TENM1: variants seen among roughly 807,000 people sequenced by gnomAD.
TENM1 encodes teneurin transmembrane protein 1, also known as teneurin-1.
In TENM1, 35 loss-of-function variants were observed where a neutral mutation model predicts 174.8. The observed-to-expected ratio is 0.20, with a 90% confidence interval of 0.15 to 0.27. The LOEUF is 0.27. TENM1 is among the 10% of genes least tolerant of loss of function. TENM1 has a pLI of 1.00. For synonymous variants in TENM1, 781 were observed against 798.7 expected, an observed-to-expected ratio of 0.98 and a Z score of 0.37; for missense variants, 1,633 against 2,130.1, an observed-to-expected ratio of 0.77 and a Z score of 4.59.
At chrX:125,089,851 C>T in the TENM1 span, among the ~76,000 whole-genome samples, 7 of 111,473 alleles carry the variant, frequency 6.3e-5, no homozygotes, top group African/African-American at 2.0e-4. Flanking sequence ...ATGTAAGCTA[C>T]TGGCTTATTA....
chrX:124,459,925 A>AACAAACAC (rs747467413), intron 22 of TENM1, among the ~76,000 whole-genome samples: 3 of 112,440 alleles, frequency 2.7e-5, no homozygotes, highest in Non-Finnish European at 5.6e-5. Flanking sequence ...AAAGGACATG[A>AACAAACAC]ACAAACACTT....
chrX:124,885,756 A>G (rs2057373467), intron 3 of TENM1, among the ~76,000 whole-genome samples: 1 of 111,433 alleles, frequency 9.0e-6, no homozygotes, highest in African/African-American at 3.3e-5. Flanking sequence ...TAACAAAAAA[A>G]CTACTGAAAA....
At chrX:124,651,228 C>T (rs1435299574) in intron 8 of TENM1, among the ~76,000 whole-genome samples, 3 of 111,461 alleles carry the variant, frequency 2.7e-5, no homozygotes, top group Non-Finnish European at 5.7e-5. Flanking sequence ...CAAAGGGTCA[C>T]GAGGACTATT....
chrX:125,023,389 T>C, the TENM1 span, among the ~76,000 whole-genome samples: 7 of 111,323 alleles, frequency 6.3e-5, no homozygotes, highest in East Asian at 2.0e-3. Flanking sequence ...TGTAAGTCAA[T>C]TACAACTTTT....
At chrX:125,105,507 A>G in the TENM1 span, among the ~76,000 whole-genome samples, 19 of 111,456 alleles carry the variant, frequency 1.7e-4, no homozygotes, top group African/African-American at 6.2e-4. Context: ...ACTTTCATAC[A>G]TCTGCCTGAG....
chrX:124,443,070 G>GTGTA lies in TENM1; in HGVS notation c.4104+10266_4104+10267insTACA, dbSNP rs1556638305. ...TGTGTGTGTGTGTGTGTGTGTGTGT[G>GTGTA]TGTGTGTGTGTGTGTGTGTGTGTGT... On this transcript the variant is annotated intron_variant, in intron 23 of 31. Coordinates refer to ENST00000422452, the Ensembl canonical transcript of TENM1. Among the ~76,000 whole-genome samples, 213 of 72,603 alleles carry GTGTA rather than the reference G, an allele frequency of 2.9e-3. 3 individuals carry two copies. Among genetic ancestry groups the GTGTA allele is most frequent in the African/African-American group, 8.3e-3 (205 of 24,710 alleles). 63.0% of individuals were successfully genotyped at this position (72,603 alleles called of 115,157 possible).
chrX:124,928,942 C>A (rs1407277158), intron 1 of TENM1, among the ~76,000 whole-genome samples: 1 of 111,632 alleles, frequency 9.0e-6, no homozygotes, highest in Non-Finnish European at 1.9e-5. Flanking sequence ...ATACTCTGGC[C>A]CGACCTAACT....
chrX:124,499,899 C>T (rs2047287966), intron 19 of TENM1, among the ~76,000 whole-genome samples: 1 of 111,962 alleles, frequency 8.9e-6, no homozygotes, highest in Non-Finnish European at 1.9e-5. Flanking sequence ...CAATTATTGG[C>T]TTGGAAATAC....
intron 11 of TENM1, 82 bp downstream of exon 14, chrX:124,641,709 T>G: frequency 1.1e-6 from 1 of 949,666 alleles, no homozygotes. Flanking sequence ...GTACAGATCA[T>G]ATTTTAAGAA....
At chrX:125,166,405 A>G in the TENM1 span, among the ~76,000 whole-genome samples, 3 of 110,687 alleles carry the variant, frequency 2.7e-5, no homozygotes, top group Non-Finnish European at 5.7e-5. Context: ...AGTCCTGGAG[A>G]GGTTGTGATG....
intron 6 of TENM1, among the ~76,000 whole-genome samples, chrX:124,665,884 T>C (rs913531956): frequency 1.8e-5 from 2 of 111,915 alleles, no homozygotes; most frequent in African/African-American, 3.2e-5. Context: ...CTGGGTAAGA[T>C]TTAATTTGTA....
At chrX:124,717,907 A>T (rs1468502416) in intron 4 of TENM1, among the ~76,000 whole-genome samples, 1 of 112,188 alleles carries the variant, frequency 8.9e-6, no homozygotes, top group African/African-American at 3.2e-5. Flanking sequence ...GGATGATGGA[A>T]ATTGTAGTTA....
chrX:125,105,826 G>A, the TENM1 span, among the ~76,000 whole-genome samples: 1 of 111,932 alleles, frequency 8.9e-6, no homozygotes. Flanking sequence ...GCAAATCTCA[G>A]AAGCCAGAGT....
chrX:124,670,525 G>GGCTAGAA (rs1200262378), intron 6 of TENM1, among the ~76,000 whole-genome samples: 2 of 111,496 alleles, frequency 1.8e-5, no homozygotes, highest in Non-Finnish European at 3.8e-5. Context: ...GGTCACTCCA[G>GGCTAGAA]GCTAGAAACA....
chrX:125,058,670 TA>T, the TENM1 span, among the ~76,000 whole-genome samples: 2 of 110,148 alleles, frequency 1.8e-5, no homozygotes, highest in African/African-American at 3.3e-5. Flanking sequence ...AGAAAGTTTT[TA>T]AAAAAACAAT....
In TENM1 at chrX:124,931,904, C is replaced by T. The variant is rs180780909; in HGVS notation, c.217+31633G>A. On this transcript the variant is annotated intron_variant, in intron 1 of 31. Transcript: ENST00000422452. ...ACACACACACACACACACACGTACA[C>T]GCACACACACCTGCCAAAAGGCCTT... Among the ~76,000 whole-genome samples the T allele has an allele frequency of 3.0e-3, 332 of 110,683 alleles. 1 individual carries two copies. The highest frequency in any genetic ancestry group is 9.8e-3 in the African/African-American group (299 of 30,423).
intron 12 of TENM1, among the ~76,000 whole-genome samples, chrX:124,564,633 C>T (rs927871038): frequency 3.6e-5 from 4 of 111,184 alleles, no homozygotes; most frequent in South Asian, 3.8e-4. Context: ...GAAACCTTAG[C>T]GGTGGATAGA....
Position 124,632,655 on chromosome X carries a change from T to C in TENM1, c.2077+9136A>G, listed in dbSNP as rs147345416. On this transcript the variant is annotated intron_variant, in intron 11 of 31. Transcript: ENST00000422452. ...GGTATTTTGTATCATCAAAGCTCAATATGCAATCCAAACTCTAATAATGAC... is the reference window on the plus strand; with the variant it reads ...GGTATTTTGTATCATCAAAGCTCAACATGCAATCCAAACTCTAATAATGAC... Among the ~76,000 whole-genome samples, 379 of 110,731 alleles carry C rather than the reference T, an allele frequency of 3.4e-3. 4 individuals carry two copies. Among genetic ancestry groups the C allele is most frequent in the African/African-American group, 0.012 (352 of 30,409 alleles).
the TENM1 span, among the ~76,000 whole-genome samples, chrX:125,018,620 T>C: frequency 9.0e-6 from 1 of 111,624 alleles, no homozygotes; most frequent in Non-Finnish European, 1.9e-5. Context: ...AAAGTTAATA[T>C]TAAGTCATCT....
Sources: gnomAD v4.1 joint callset for allele counts (sites outside exome capture counted in the v4.1 genomes callset) on GRCh38, gnomAD v4.1.1 for gene constraint, MANE v1.5 for transcripts, NCBI Gene and HGNC (gene_info 2026-07-23, HGNC 2026-07-21) for gene names.